Variants in SH3BGR observed in about 807,000 individuals in gnomAD.
The protein encoded by SH3BGR is SH3 domain binding glutamate rich protein, also known as SH3 domain-binding glutamic acid-rich protein.
SH3BGR carries 29 observed loss-of-function variants against 24.5 expected under a neutral mutation model. The ratio of observed to expected loss-of-function variants is 1.18; its 90% CI spans 0.88 to 1.61. The LOEUF is 1.61. Among genes scored for constraint, SH3BGR ranks in the 40% most tolerant of loss-of-function variants. SH3BGR has a pLI of 0.00. For synonymous variants in SH3BGR, 55 were observed against 65.7 expected (o/e 0.84, Z 0.79); for missense variants, 162 against 205.8 (o/e 0.79, Z 1.30).
At chr21:39,514,269 C>T (rs1276133884) in intron 6 of SH3BGR, among the ~76,000 whole-genome samples, 4 of 152,102 alleles carry the variant, frequency 2.6e-5, no homozygotes, top group Admixed American at 6.6e-5. Flanking sequence ...TTTGAAAAGA[C>T]GATTTTAGAC....
At chr21:39,460,075 G>A (rs2148457425) in intron 1 of SH3BGR, among the ~76,000 whole-genome samples, 1 of 152,300 alleles carries the variant, frequency 6.6e-6, no homozygotes, top group South Asian at 2.1e-4. Flanking sequence ...GGTAAGAAAT[G>A]GCTACTGGCA....
At chr21:39,476,736 C>T (rs2078034199) in intron 3 of SH3BGR, among the ~76,000 whole-genome samples, 1 of 152,168 alleles carries the variant, frequency 6.6e-6, no homozygotes, top group Admixed American at 6.5e-5. Flanking sequence ...TTCTCAATCC[C>T]CTTCTTCCAG....
upstream of SH3BGR, among the ~76,000 whole-genome samples, chr21:39,447,890 A>G (rs2148435931): frequency 6.6e-6 from 1 of 152,252 alleles, no homozygotes; most frequent in Non-Finnish European, 1.5e-5. Flanking sequence ...GACTACCACG[A>G]ACTTAGGGGC....
chr21:39,492,873 G>A (rs1177502471), intron 3 of SH3BGR, among the ~76,000 whole-genome samples: 1 of 151,944 alleles, frequency 6.6e-6, no homozygotes, highest in African/African-American at 2.4e-5. Context: ...CTGATCATTA[G>A]TGATGTTGAG....
At chr21:39,498,773 C>T (rs2078440616) in intron 3 of SH3BGR, among the ~76,000 whole-genome samples, 1 of 152,180 alleles carries the variant, frequency 6.6e-6, no homozygotes, top group Non-Finnish European at 1.5e-5. Flanking sequence ...TATCCATCCA[C>T]CTGTCCATCT....
At chr21:39,451,779 C>T (rs1198380551), upstream of SH3BGR, 1 of 1,115,830 alleles carries the variant, frequency 9.0e-7, no homozygotes, top group South Asian at 1.4e-5. Context: ...ACAGCCTGGC[C>T]TTTTAGGGAC....
chr21:39,464,344 TC>T (rs1250515159), intron 2 of SH3BGR, among the ~76,000 whole-genome samples: 2 of 152,176 alleles, frequency 1.3e-5, no homozygotes, highest in Admixed American at 1.3e-4. Context: ...TGCCTCAGCC[TC>T]TTGAGTAGCT....
chr21:39,510,481 C>CTACACACACACACACACACACACACACA (rs1569178208), intron 5 of SH3BGR, among the ~76,000 whole-genome samples: 1 of 127,914 alleles, frequency 7.8e-6, no homozygotes, highest in African/African-American at 3.2e-5. Flanking sequence ...ACACACACAC[C>CTACACACACACACACACACACACACACA]CCATCAATTT....
intron 1 of SH3BGR, among the ~76,000 whole-genome samples, chr21:39,446,531 T>C (rs1472982515): frequency 6.6e-6 from 1 of 152,208 alleles, no homozygotes; most frequent in Non-Finnish European, 1.5e-5. Flanking sequence ...TTCCAGTAAG[T>C]GTCCCGATAC....
intron 3 of SH3BGR, among the ~76,000 whole-genome samples, chr21:39,493,614 A>G (rs1305939326): frequency 1.3e-5 from 2 of 152,258 alleles, no homozygotes; most frequent in Middle Eastern, 3.4e-3. Context: ...TTATGGTTCC[A>G]TATGAACTTT....
intron 3 of SH3BGR, among the ~76,000 whole-genome samples, chr21:39,479,799 G>C (rs988667905): frequency 2.6e-5 from 4 of 152,120 alleles, no homozygotes; most frequent in African/African-American, 7.2e-5. Flanking sequence ...TTAGGTTTCA[G>C]ATTTTTTCTG....
At chr21:39,446,423 C>T (rs760056176) in intron 1 of SH3BGR, among the ~76,000 whole-genome samples, 1 of 152,152 alleles carries the variant, frequency 6.6e-6, no homozygotes, top group Non-Finnish European at 1.5e-5. Context: ...TTTGAGGTCA[C>T]CCCTGACTGT....
At chr21:39,481,336 A>T (rs2078127875) in intron 3 of SH3BGR, among the ~76,000 whole-genome samples, 1 of 152,208 alleles carries the variant, frequency 6.6e-6, no homozygotes, top group African/African-American at 2.4e-5. Context: ...CTAGAGGGCT[A>T]GCAACTTAAC....
intron 3 of SH3BGR, among the ~76,000 whole-genome samples, chr21:39,487,543 C>T (rs2123447738): frequency 6.6e-6 from 1 of 152,320 alleles, no homozygotes; most frequent in Non-Finnish European, 1.5e-5. Flanking sequence ...CTGTCCTTCT[C>T]ATGGGAACCA....
chr21:39,514,653 C>T (rs773990257), intron 6 of SH3BGR, among the ~76,000 whole-genome samples: 12 of 152,182 alleles, frequency 7.9e-5, no homozygotes, highest in Non-Finnish European at 1.6e-4. Context: ...TGAACCACCA[C>T]GTCTGACCTA....
At chr21:39,463,736 A>G (rs1004840605) in intron 2 of SH3BGR, among the ~76,000 whole-genome samples, 1 of 152,250 alleles carries the variant, frequency 6.6e-6, no homozygotes, top group Admixed American at 6.5e-5. Context: ...TAGATGCAGC[A>G]GAGGCCATAT....
At chr21:39,505,939 A>G (rs562960569) in intron 4 of SH3BGR, among the ~76,000 whole-genome samples, 1 of 152,348 alleles carries the variant, frequency 6.6e-6, no homozygotes, top group East Asian at 1.9e-4. Context: ...TGGATTCAGA[A>G]GAATGTAAAA....
rs557909965 is a variant in SH3BGR at position 39,470,696 on chromosome 21, A to G, written c.232-4439A>G. Among the ~76,000 whole-genome samples the G allele has an allele frequency of 2.6e-5, 4 of 152,316 alleles. No individual in the cohort carries two copies. The South Asian group carries it at 8.3e-4, about 32-fold the overall frequency. ...GGCATTTCTATTTGTTGGTTGAACAATCAATGTTTGTTCAGATTTAGATTT... is the reference window on the plus strand; with the variant it reads ...GGCATTTCTATTTGTTGGTTGAACAGTCAATGTTTGTTCAGATTTAGATTT... On this transcript the variant is annotated intron_variant, in intron 2 of 6. Transcript: ENST00000333634.
chr21:39,505,288 C>T (rs1421247061), intron 4 of SH3BGR, among the ~76,000 whole-genome samples: 1 of 152,116 alleles, frequency 6.6e-6, no homozygotes, highest in Non-Finnish European at 1.5e-5. Context: ...GAGTCACTGC[C>T]CCCACAGAGC....
Sources: gnomAD v4.1 joint callset for allele counts (sites outside exome capture counted in the v4.1 genomes callset) on GRCh38, gnomAD v4.1.1 for gene constraint, MANE v1.5 for transcripts, NCBI Gene and HGNC (gene_info 2026-07-23, HGNC 2026-07-21) for gene names.